The following ACAA1 variants were observed in gnomAD, a reference collection of about 807,000 sequenced individuals.
The protein encoded by ACAA1 is acetyl-CoA acyltransferase 1.
ACAA1 carries 44 observed loss-of-function variants against 48.8 expected under a neutral mutation model. That is an observed-to-expected ratio of 0.90 (90% CI 0.71 to 1.16). The LOEUF (loss-of-function observed/expected upper bound fraction) is 1.16, where lower values mean the gene tolerates loss of function less well. ACAA1 is among the 50% of genes most tolerant of loss of function. ACAA1 has a pLI of 0.00. For missense variants in ACAA1, 512 were observed against 562.3 expected (o/e 0.91, Z 0.90); for synonymous variants, 233 against 226.5 (o/e 1.03, Z -0.26).
intron 4 of ACAA1, 48 bp downstream of exon 4, chr3:38,131,861 ACAGCGACTTTGCTGACC>A: frequency 6.8e-7 from 1 of 1,478,178 alleles, no homozygotes; most frequent in Non-Finnish European, 9.4e-7. Flanking sequence ...TGCCCGGCAG[ACAGCGACTTTGCTGACC>A]CAAACCCACA....
chr3:38,135,636 C>G (rs1468791086), intron 2 of ACAA1, among the ~76,000 whole-genome samples: 1 of 152,100 alleles, frequency 6.6e-6, no homozygotes, highest in Non-Finnish European at 1.5e-5. Context: ...TTGCCGCCAG[C>G]ATGTCTCACC....
intron 1 of ACAA1, 55 bp from the exon 2 acceptor site, chr3:38,136,740 G>A: frequency 6.5e-7 from 1 of 1,527,574 alleles, no homozygotes; most frequent in Non-Finnish European, 8.8e-7. Context: ...CCACCCCAGG[G>A]AGACAAAGCG....
intron 7 of ACAA1, 148 bp downstream of exon 7, chr3:38,127,638 C>T (rs1017782846): frequency 1.4e-6 from 1 of 726,150 alleles, no homozygotes; most frequent in Non-Finnish European, 2.4e-6. Context: ...ACACTTCCTA[C>T]TTCCCACCCC....
In ACAA1 at chr3:38,127,976, C is replaced by T. The variant is rs1553217; in HGVS notation, c.546-110G>A. ...TGGGTTCCCAAGGCTGTAGGCAGGA[C>T]AGGATGTAAGGGCCAGTCCATGCCA... On this transcript the variant is annotated intron_variant, in intron 6 of 11. Transcript: ENST00000333167. 6.6e-3 allele frequency: 7,035 copies of T among 1,058,322 alleles called. 40 individuals are homozygous for T. Among genetic ancestry groups the T allele is most frequent in the Non-Finnish European group, 8.7e-3 (5,959 of 683,922 alleles). The allele number at this position is 1,058,322 out of a possible 1,614,324, so 65.6% of individuals were successfully genotyped here.
At chr3:38,125,774 A>C (rs1455984731) in intron 10 of ACAA1, 52 bp downstream of exon 10, 1 of 1,613,568 alleles carries the variant, frequency 6.2e-7, no homozygotes, top group East Asian at 2.2e-5. Flanking sequence ...CTGCCCGCTC[A>C]CTCCACCTCG....
In ACAA1 at chr3:38,122,837, G is replaced by C. The variant is rs899939235; in HGVS notation, c.*210C>G. On this transcript the variant is annotated 3_prime_UTR_variant, in exon 12 of 12. Transcript: ENST00000333167. Reference sequence around the variant, plus strand: ...GCTGCTTTTATCTTGCACAGCTAAAGAGGGTCTGATGGGTGGCTCAACACC... The same window carrying C: ...GCTGCTTTTATCTTGCACAGCTAAACAGGGTCTGATGGGTGGCTCAACACC... 5 of 822,980 alleles carry C rather than the reference G, an allele frequency of 6.1e-6. No individual in the cohort carries two copies. In the East Asian group the frequency reaches 1.1e-4, roughly 18 times the overall value. The allele number at this position is 822,980 out of a possible 1,614,324, so 51.0% of individuals were successfully genotyped here.
chr3:38,123,787 G>C, intron 11 of ACAA1: 1 of 152,128 alleles, frequency 6.6e-6, no homozygotes, highest in Middle Eastern at 3.2e-3. Context: ...AGGATCACGA[G>C]GTCAGGAGTT....
At chr3:38,128,993 C>A (rs1700734624) in intron 6 of ACAA1, among the ~76,000 whole-genome samples, 1 of 152,198 alleles carries the variant, frequency 6.6e-6, no homozygotes, top group Non-Finnish European at 1.5e-5. Context: ...CTTTCTAGGC[C>A]CCCAAGGCTT....
At chr3:38,136,499 C>G in intron 2 of ACAA1, 93 bp downstream of exon 2, 1 of 1,394,828 alleles carries the variant, frequency 7.2e-7, no homozygotes, top group East Asian at 2.3e-5. Flanking sequence ...TGGAGGTTCC[C>G]CCAGTGAAAA....
At chr3:38,123,974 T>C (rs1172309748) in intron 11 of ACAA1, 1 of 147,894 alleles carries the variant, frequency 6.8e-6, no homozygotes, top group Non-Finnish European at 1.5e-5. Flanking sequence ...ACCACTGCAC[T>C]CCAGCCAGCC....
chr3:38,136,564 C>T (rs1490222297), intron 2 of ACAA1, 28 bp downstream of exon 2: 1 of 1,613,110 alleles, frequency 6.2e-7, no homozygotes, highest in East Asian at 2.2e-5. Flanking sequence ...GGGGAAGGCC[C>T]AGCGCAGGGC....
chr3:38,133,617 A>G, intron 3 of ACAA1: 1 of 316,358 alleles, frequency 3.2e-6, no homozygotes, highest in East Asian at 8.0e-5. Context: ...ACTAGTAAAA[A>G]GGCTGAAAGT....
intron 3 of ACAA1, 87 bp from the exon 4 acceptor site, chr3:38,132,092 C>G (rs1575264719): frequency 8.1e-7 from 1 of 1,238,058 alleles, no homozygotes; most frequent in Non-Finnish European, 1.2e-6. Context: ...TAACTGCCCC[C>G]CTCAAGGGAT....
At position 38,129,355 on chromosome 3, in the gene ACAA1, G is replaced by T. The variant is rs775011311; in HGVS notation, c.480C>A (p.Asn160Lys). 2 of 1,614,030 alleles carry T rather than the reference G, an allele frequency of 1.2e-6. No homozygotes were observed. The highest frequency in any genetic ancestry group is 1.1e-5 in the South Asian group (1 of 91,082). Reference protein sequence around the residue: ...VESMSLADRGNPGNITSRLME... With the variant: ...VESMSLADRGKPGNITSRLME... ...TCAAGCGCGAAGTAATATTTCCAGG[G>T]TTCCCTCTGTCAGCCAGGGACATGG... The change falls in exon 6 of 12, where the codon AAC becomes AAA. Residue 160 changes from asparagine (N) to lysine (K), a missense_variant. Physicochemically the swap from Asn to Lys is moderately conservative, Grantham distance 94 (BLOSUM62 0). Coordinates refer to ENST00000333167, the MANE Select transcript of ACAA1 (RefSeq NM_001607.4). The surrounding 1 kb of genome is among the most constrained non-coding windows in gnomAD (Gnocchi z 5.3).
rs765100298 is a variant in ACAA1 at position 38,126,685 on chromosome 3, C to G, written c.642G>C (p.Gln214His). The stretch of plus-strand genomic sequence containing the variant: ...TCTCAGCTTGGAAACAGCCCTTGCT[C>G]TGGGCTCTTGCTGCCCTGCCAGCAC... ...LASQQKAARA[Q>H]SKGCFQAEIV... The change falls in exon 8 of 12, where the codon CAG (glutamine) becomes CAC (histidine). Residue 214 changes from glutamine (Q) to histidine (H), a missense_variant. Coordinates refer to ENST00000333167, the MANE Select transcript of ACAA1 (RefSeq NM_001607.4). This position sits in a 1 kb window ranked among gnomAD's most constrained non-coding sequence, Gnocchi z 4.7. The G allele has an allele frequency of 3.7e-6, 6 of 1,613,612 alleles. No individual in the cohort carries two copies. The highest frequency in any genetic ancestry group is 5.1e-6 in the Non-Finnish European group (6 of 1,180,034).
At chr3:38,136,219 A>C (rs563641958) in intron 2 of ACAA1, among the ~76,000 whole-genome samples, 8 of 152,354 alleles carry the variant, frequency 5.3e-5, no homozygotes, top group African/African-American at 1.9e-4. Flanking sequence ...AGTACAGATC[A>C]AAATGGAGTT....
In ACAA1 at chr3:38,123,211, T is replaced by C. The variant is rs1442198999; in HGVS notation, c.1200-89A>G. 6 of 1,307,750 alleles carry C rather than the reference T, an allele frequency of 4.6e-6. No homozygotes were observed. In the East Asian group the frequency reaches 9.2e-5, roughly 20 times the overall value. 81.0% of individuals were successfully genotyped at this position (1,307,750 alleles called of 1,614,324 possible). On this transcript the variant is annotated intron_variant, in intron 11 of 11. Transcript: ENST00000333167. ...GACCCAGAAGGACGTCATGGACAAG[T>C]AGGATGCAAAACCATCAGACCAGAT...
chr3:38,131,218 C>T (rs1204993603), intron 5 of ACAA1, among the ~76,000 whole-genome samples: 1 of 152,202 alleles, frequency 6.6e-6, no homozygotes, highest in African/African-American at 2.4e-5. Flanking sequence ...ATACAGTAGG[C>T]GCTGTCCCTG....
rs1475850265 is a variant in ACAA1, at chr3:38,122,907, T to C, written c.*140A>G. ...GTCATCAGTGTTCACATTTTCCAAA[T>C]GAGTTGAAGTGCCTTGATCTGTCCA... On this transcript the variant is annotated 3_prime_UTR_variant, in exon 12 of 12. Transcript: ENST00000333167. 1.6e-5 allele frequency: 14 copies of C among 890,978 alleles called. No individual in the cohort carries two copies. 55.2% of individuals were successfully genotyped at this position (890,978 alleles called of 1,614,324 possible).
Sources: allele counts gnomAD v4.1 joint callset (sites outside exome capture counted in the v4.1 genomes callset), GRCh38; gene constraint gnomAD v4.1.1; non-coding constraint Gnocchi (gnomAD v3.1); transcripts MANE v1.5; gene names NCBI Gene and HGNC (gene_info 2026-07-23, HGNC 2026-07-21).